The following SLCO4C1 variants were observed in gnomAD, a reference collection of about 807,000 sequenced individuals.
The protein encoded by SLCO4C1 is solute carrier organic anion transporter family member 4C1, also known as organic anion transporter M1.
A neutral mutation model predicts 72.1 loss-of-function variants in SLCO4C1; 58 were observed. The observed-to-expected ratio is 0.80, with a 90% CI of 0.65 to 1.00. SLCO4C1 has a LOEUF of 1.00. Among genes scored for constraint, SLCO4C1 ranks in the 50% least tolerant of loss-of-function variants. The probability of loss-of-function intolerance (pLI) is 0.00; values close to 1 mark genes in which losing one functional copy is unlikely to be tolerated. For missense variants in SLCO4C1, 898 were observed against 857.9 expected (o/e 1.05, Z -0.58); for synonymous variants, 297 against 312.5 (o/e 0.95, Z 0.52).
intron 7 of SLCO4C1, 85 bp downstream of exon 7, chr5:102,257,858 G>A: frequency 8.1e-7 from 1 of 1,235,542 alleles, no homozygotes; most frequent in Non-Finnish European, 1.1e-6. Flanking sequence ...TTTCAAGGAG[G>A]GCTACCTCAA....
chr5:102,236,864 T>G lies in SLCO4C1; in HGVS notation c.2169A>C (p.Glu723Asp), dbSNP rs773647414. The G allele has an allele frequency of 7.4e-6, 12 of 1,611,400 alleles. No homozygotes were observed. The highest frequency in any genetic ancestry group is 9.3e-6 in the Non-Finnish European group (11 of 1,179,362). ...AGTCTTCTCTTTTCCCATTTCACCC[T>G]TCTTTTACTATTTTGTTGAGATCCT... ...AEQDLNKIVK[E>D]G is the part of the protein sequence containing the mutation. The change falls in exon 13 of 13, where the codon GAA becomes GAC. Residue 723 changes from glutamate (E) to aspartate (D), a missense_variant. Physicochemically the swap from Glu to Asp is conservative, Grantham distance 45. Transcript: ENST00000310954.
intron 3 of SLCO4C1, among the ~76,000 whole-genome samples, chr5:102,264,312 G>T (rs369166775): frequency 3.3e-5 from 5 of 152,132 alleles, no homozygotes; most frequent in African/African-American, 9.6e-5. Context: ...GAATTAAATT[G>T]AGCTTATTTC....
At chr5:102,272,642 G>A (rs2600827) in intron 2 of SLCO4C1, among the ~76,000 whole-genome samples, 114,579 of 152,130 alleles carry the variant, frequency 0.75, 43,202 homozygotes, top group Middle Eastern at 0.84. Context: ...AGCTCAAAAC[G>A]GGGATTTAAT....
At position 102,291,394 on chromosome 5, in the gene SLCO4C1, A is replaced by G; in HGVS notation, c.568T>C (p.Ser190Pro). ...TCTCCACTGAAAAATTGTGGCAATGAGAATACAAGTGCTCCCAGTCCAATC... is the reference window on the plus strand; with the variant it reads ...TCTCCACTGAAAAATTGTGGCAATGGGAATACAAGTGCTCCCAGTCCAATC... Reference protein sequence around the residue: ...FMIGLGALVFSLPQFFSGEYK... With the variant: ...FMIGLGALVFPLPQFFSGEYK... The change falls in exon 2 of 13, where the codon TCA (serine) becomes CCA (proline). Residue 190 changes from serine to proline, a missense_variant. Coordinates refer to ENST00000310954, the MANE Select transcript of SLCO4C1 (RefSeq NM_180991.5). 1 of 1,614,124 alleles carries G rather than the reference A, an allele frequency of 6.2e-7. No homozygotes were observed. Among genetic ancestry groups the G allele is most frequent in the Non-Finnish European group, 8.5e-7 (1 of 1,180,008 alleles).
chr5:102,251,513 C>T (rs1232638571), intron 8 of SLCO4C1, among the ~76,000 whole-genome samples: 1 of 151,782 alleles, frequency 6.6e-6, no homozygotes, highest in East Asian at 1.9e-4. Context: ...TCACTTGAGC[C>T]CAGGAGTTTG....
rs547129580 is a variant in SLCO4C1 at position 102,295,214 on chromosome 5, A to G, written c.355+694T>C. On this transcript the variant is annotated intron_variant, in intron 1 of 12. Transcript: ENST00000310954. ...GCTTAGATTGCAAGCCCCTGAGGGT[A>G]TAAATCTGAACTGAATCTGTAACTC... 1.3e-4 allele frequency among the ~76,000 whole-genome samples: 20 copies of G among 152,330 alleles called. No homozygotes were observed. In the South Asian group the frequency reaches 4.1e-3, roughly 32 times the overall value.
At chr5:102,241,646 A>C (rs923092195) in intron 10 of SLCO4C1, among the ~76,000 whole-genome samples, 4 of 152,104 alleles carry the variant, frequency 2.6e-5, no homozygotes, top group Middle Eastern at 6.8e-3. Context: ...TGGAGGAATA[A>C]ATATTTTAAA....
chr5:102,239,142 T>C (rs1748490402), intron 12 of SLCO4C1, 109 bp downstream of exon 12: 6 of 984,406 alleles, frequency 6.1e-6, no homozygotes, highest in South Asian at 2.3e-5. Flanking sequence ...GGTTCAACAA[T>C]GTGGACTGAA....
Position 102,266,667 on chromosome 5 carries a change from G to GA in SLCO4C1, c.803-2888dup, listed in dbSNP as rs551375838. 2.9e-3 allele frequency among the ~76,000 whole-genome samples: 420 copies of GA among 142,780 alleles called. 2 individuals are homozygous for GA. The highest frequency in any genetic ancestry group is 0.011 in the African/African-American group (395 of 35,152). 93.7% of individuals were successfully genotyped at this position (142,780 alleles called of 152,430 possible). ...TTCCATCTCAAAAAAGAAAAGAAAA[G>GA]AAAAGAAAAAAAACAGAAAGTGGGC... On this transcript the variant is annotated intron_variant, in intron 3 of 12. Transcript: ENST00000310954.
intron 2 of SLCO4C1, among the ~76,000 whole-genome samples, chr5:102,287,534 CTTTTTT>C (rs148132091): frequency 1.3e-5 from 1 of 79,970 alleles, no homozygotes; most frequent in African/African-American, 5.3e-5. Context: ...TTTTTCACTT[CTTTTTT>C]TTTTTTTTTT....
At chr5:102,254,499 A>G (rs149995830) in intron 8 of SLCO4C1, among the ~76,000 whole-genome samples, 4 of 152,314 alleles carry the variant, frequency 2.6e-5, no homozygotes, top group African/African-American at 7.2e-5. Flanking sequence ...TTTAAGAAGT[A>G]AAATTTAATC....
At chr5:102,255,784 A>AT (rs75456067) in intron 8 of SLCO4C1, among the ~76,000 whole-genome samples, 1 of 125,154 alleles carries the variant, frequency 8.0e-6, no homozygotes, top group Non-Finnish European at 1.7e-5. Flanking sequence ...TTCCATAGCA[A>AT]TTTTTTTTAA....
intron 6 of SLCO4C1, among the ~76,000 whole-genome samples, chr5:102,259,248 T>C (rs1748893780): frequency 6.6e-6 from 1 of 151,778 alleles, no homozygotes; most frequent in Non-Finnish European, 1.5e-5. Context: ...TTCATAGAGA[T>C]TGAAATCAGA....
At chr5:102,291,021 G>T (rs1408301745) in intron 2 of SLCO4C1, among the ~76,000 whole-genome samples, 2 of 152,072 alleles carry the variant, frequency 1.3e-5, no homozygotes, top group African/African-American at 4.8e-5. Context: ...AAGTACAAAA[G>T]GGAAAAACTA....
At chr5:102,291,905 T>A (rs1749563832) in intron 1 of SLCO4C1, among the ~76,000 whole-genome samples, 1 of 152,144 alleles carries the variant, frequency 6.6e-6, no homozygotes, top group Non-Finnish European at 1.5e-5. Context: ...CACCGCCACC[T>A]CCACCTCCAG....
At chr5:102,248,261 G>A (rs1239665743) in intron 9 of SLCO4C1, among the ~76,000 whole-genome samples, 2 of 152,026 alleles carry the variant, frequency 1.3e-5, no homozygotes, top group African/African-American at 4.8e-5. Context: ...TATTATAAAT[G>A]TATATTGCCT....
At position 102,236,885 on chromosome 5, in the gene SLCO4C1, A is replaced by C; in HGVS notation, c.2148T>G (p.Asp716Glu). 1.2e-6 allele frequency: 2 copies of C among 1,612,726 alleles called. No individual in the cohort carries two copies. The highest frequency in any genetic ancestry group is 2.7e-5 in the African/African-American group (2 of 74,974). ...AVVTNVLAEQ[D>E]LNKIVKEG is the part of the protein sequence containing the mutation. ...ACCCTTCTTTTACTATTTTGTTGAGATCCTGTTCTGCTAAAACATTAGTCA... is the reference window on the plus strand; with the variant it reads ...ACCCTTCTTTTACTATTTTGTTGAGCTCCTGTTCTGCTAAAACATTAGTCA... The change falls in exon 13 of 13, where the codon GAT becomes GAG. Residue 716 changes from aspartate to glutamate, a missense_variant. Asp to Glu is a conservative substitution (Grantham distance 45). Coordinates refer to ENST00000310954, the MANE Select transcript of SLCO4C1 (RefSeq NM_180991.5).
intron 8 of SLCO4C1, among the ~76,000 whole-genome samples, chr5:102,250,760 G>A (rs9327811): frequency 0.12 from 18,115 of 152,088 alleles, 1,290 homozygotes; most frequent in African/African-American, 0.16. Context: ...ATGCCAAAGC[G>A]GGTGGATCAC....
intron 2 of SLCO4C1, among the ~76,000 whole-genome samples, chr5:102,287,609 G>C (rs141305169): frequency 0.02 from 2,943 of 144,672 alleles, 52 homozygotes; most frequent in Admixed American, 0.059. Context: ...CAATGGTACG[G>C]TTTCAGCTCA....
Sources: allele counts gnomAD v4.1 joint callset (sites outside exome capture counted in the v4.1 genomes callset), GRCh38; gene constraint gnomAD v4.1.1; transcripts MANE v1.5; gene names NCBI Gene and HGNC (gene_info 2026-07-23, HGNC 2026-07-21).